The following OFD1 variants were observed in gnomAD, a reference collection of about 807,000 sequenced individuals.
OFD1 encodes the protein centriole and centriolar satellite protein OFD1.
A neutral mutation model predicts 81.4 loss-of-function variants in OFD1; 12 were observed. That is an observed-to-expected ratio of 0.15 (90% CI 0.09 to 0.24). The LOEUF is 0.24. Ranked by LOEUF, OFD1 falls within the 10% of genes least tolerant of loss-of-function variation. The pLI, the probability that OFD1 is intolerant of heterozygous loss-of-function variation, is 1.00. For missense variants in OFD1, 685 were observed against 733.9 expected (o/e 0.93, Z 0.77); for synonymous variants, 256 against 263.7 (o/e 0.97, Z 0.28).
Position 13,734,768 on chromosome X carries a change from GC to G in OFD1, c.-302del. ...GCCGGACTGGCTGTGAGGCGGTCCTGCCTCGCTGCCTTCAGTCCCTAGTGTC... is the reference window on the plus strand; with the variant it reads ...GCCGGACTGGCTGTGAGGCGGTCCTGCTCGCTGCCTTCAGTCCCTAGTGTC... On this transcript the variant is annotated 5_prime_UTR_variant, in exon 1 of 23. Transcript: ENST00000340096. 1 of 1,057,022 alleles carries G rather than the reference GC, an allele frequency of 9.5e-7. No homozygotes were observed. The highest frequency in any genetic ancestry group is 3.5e-5 in the East Asian group (1 of 28,566). The allele number at this position is 1,057,022 out of a possible 1,213,427, so 87.1% of individuals were successfully genotyped here. A position where few individuals can be genotyped will look rare whatever the true frequency, so the allele number is the denominator to read the frequency against.
intron 2 of OFD1, 56 bp from the exon 3 acceptor site, chrX:13,736,422 G>A: frequency 8.7e-7 from 1 of 1,150,076 alleles, no homozygotes; most frequent in Non-Finnish European, 1.2e-6. Context: ...AAACAGTCCT[G>A]CTGAAATTTC....
At chrX:13,749,201 A>G (rs987678076) in intron 8 of OFD1, among the ~76,000 whole-genome samples, 6 of 111,023 alleles carry the variant, frequency 5.4e-5, no homozygotes, top group Admixed American at 9.5e-5. Flanking sequence ...TTCACATGGC[A>G]TGTTAGGACT....
intron 3 of OFD1, among the ~76,000 whole-genome samples, chrX:13,738,008 C>T (rs189053863): frequency 4.5e-5 from 5 of 110,974 alleles, no homozygotes; most frequent in Admixed American, 9.6e-5. Context: ...CACCACTACA[C>T]CTGGCTAACT....
chrX:13,758,857 C>CAG (rs199918308), intron 15 of OFD1, among the ~76,000 whole-genome samples: 1,622 of 111,645 alleles, frequency 0.015, 32 homozygotes, highest in African/African-American at 0.05. Context: ...CCTTCAGAAT[C>CAG]AGAACTGTTC....
chrX:13,736,633 T>G lies in OFD1; in HGVS notation c.267T>G (p.Tyr89Ter). ...ACTTACAAAGATGTGGCTATGAATATTCACTTTCTGTTTTCTTTCCAGAAA... is the reference window on the plus strand; with the variant it reads ...ACTTACAAAGATGTGGCTATGAATAGTCACTTTCTGTTTTCTTTCCAGAAA... ...ADHLQRCGYE[Y>*]SLSVFFPESG... The change falls in exon 3 of 23, where the codon TAT becomes TAG. Residue 89 changes from tyrosine (Y) to a stop codon, truncating the protein, a stop_gained. Transcript: ENST00000340096. LOFTEE classifies it high-confidence loss of function. 1 of 1,210,392 alleles carries G rather than the reference T, an allele frequency of 8.3e-7. No homozygotes were observed. Among genetic ancestry groups the G allele is most frequent in the Non-Finnish European group, 1.1e-6 (1 of 894,550 alleles).
Position 13,755,141 on chromosome X carries a change from C to CT in OFD1, c.1130-4dup, listed in dbSNP as rs759385204. Reference sequence around the variant, plus strand: ...CATTATGGTGTTTAATTGGTGGGCTCTTTTTTCAGAAAAAGCTGTTCATTT... The same window carrying CT: ...CATTATGGTGTTTAATTGGTGGGCTCTTTTTTTCAGAAAAAGCTGTTCATTT... On this transcript the variant is annotated splice_polypyrimidine_tract_variant and intron_variant, in intron 11 of 22. Coordinates refer to ENST00000340096, the MANE Select transcript of OFD1 (RefSeq NM_003611.3). The CT allele has an allele frequency of 1.4e-5, 16 of 1,184,372 alleles. No homozygotes were observed. Among genetic ancestry groups the CT allele is most frequent in the Admixed American group, 4.4e-5 (2 of 45,847 alleles).
chrX:13,763,654 C>T lies in OFD1; in HGVS notation c.2489-91C>T, dbSNP rs745348828. 112 of 709,067 alleles carry T rather than the reference C, an allele frequency of 1.6e-4. No individual in the cohort carries two copies. The African/African-American group carries it at 1.6e-3, about 10-fold the overall frequency. 58.4% of individuals were successfully genotyped at this position (709,067 alleles called of 1,213,427 possible). A position where few individuals can be genotyped will look rare whatever the true frequency, so the allele number is the denominator to read the frequency against. On this transcript the variant is annotated intron_variant, in intron 18 of 22. Coordinates refer to ENST00000340096, the MANE Select transcript of OFD1 (RefSeq NM_003611.3). ...ACCCAGTTACTTTGGCTTCAGTTCC[C>T]GTGCTCCAGTCAGTTGCCCCCACAC...
intron 6 of OFD1, 27 bp from the exon 7 acceptor site, chrX:13,746,292 C>A (rs377491175): frequency 5.8e-6 from 7 of 1,198,962 alleles, no homozygotes; most frequent in Non-Finnish European, 6.8e-6. Context: ...TTTCTATGTC[C>A]TAATTTGATG....
downstream of OFD1, chrX:13,772,913 G>A (rs753890304): frequency 5.0e-6 from 6 of 1,210,305 alleles, no homozygotes; most frequent in East Asian, 8.9e-5. Flanking sequence ...TCTTTTGACC[G>A]AGACTGGATA....
chrX:13,752,176 A>G (rs187806915), intron 10 of OFD1, among the ~76,000 whole-genome samples: 2 of 112,368 alleles, frequency 1.8e-5, no homozygotes, highest in Non-Finnish European at 3.8e-5. Context: ...GCAAAAAGTG[A>G]TATAGGGAAA....
In OFD1 at chrX:13,763,879, A is replaced by G. The variant is rs199815820; in HGVS notation, c.2599+24A>G. ...AAGTAAGTTCTTTTTTTGAACTAAC[A>G]GTCAGCAGGGTCGCATACTAAATAC... On this transcript the variant is annotated intron_variant, in intron 19 of 22. Coordinates refer to ENST00000340096, the MANE Select transcript of OFD1 (RefSeq NM_003611.3). 6.5e-5 allele frequency: 70 copies of G among 1,083,236 alleles called. No homozygotes were observed. In the African/African-American group the frequency reaches 1.1e-3, roughly 17 times the overall value. The allele number at this position is 1,083,236 out of a possible 1,213,427, so 89.3% of individuals were successfully genotyped here. A position where few individuals can be genotyped will look rare whatever the true frequency, so the allele number is the denominator to read the frequency against.
the OFD1 span, chrX:13,721,735 A>T: frequency 1.0e-5 from 1 of 97,720 alleles, no homozygotes; most frequent in Non-Finnish European, 2.0e-5. Flanking sequence ...GCAGATCAGA[A>T]CTCCTGGCAT....
intron 5 of OFD1, among the ~76,000 whole-genome samples, chrX:13,742,744 C>G (rs992587676): frequency 2.7e-5 from 3 of 111,304 alleles, no homozygotes; most frequent in Non-Finnish European, 5.7e-5. Context: ...AGGCTGGTCT[C>G]GATCCCCTGA....
downstream of OFD1, chrX:13,773,326 T>TA (rs1306429398): frequency 2.2e-5 from 4 of 180,362 alleles, no homozygotes; most frequent in South Asian, 5.3e-4. Flanking sequence ...TTTTTTTTTT[T>TA]AATACCATTT....
the OFD1 span, among the ~76,000 whole-genome samples, chrX:13,722,922 G>A: frequency 2.7e-5 from 3 of 110,155 alleles, no homozygotes; most frequent in African/African-American, 9.9e-5. Flanking sequence ...AATTAGCCGA[G>A]TGTGGTGGTG....
the OFD1 span, among the ~76,000 whole-genome samples, chrX:13,728,152 T>G: frequency 1.8e-5 from 2 of 111,671 alleles, no homozygotes; most frequent in African/African-American, 3.3e-5. Context: ...TGGATTCACA[T>G]CCGAATTCTA....
the OFD1 span, among the ~76,000 whole-genome samples, chrX:13,724,531 C>T: frequency 9.0e-6 from 1 of 111,326 alleles, no homozygotes; most frequent in Non-Finnish European, 1.9e-5. Flanking sequence ...CTTCCATTTT[C>T]TCTGTTAAAT....
intron 2 of OFD1, 117 bp from the exon 3 acceptor site, chrX:13,736,361 A>G: frequency 7.3e-6 from 8 of 1,101,378 alleles, no homozygotes; most frequent in Middle Eastern, 3.4e-4. Context: ...CATTATGGAA[A>G]TAGAAGGAAG....
chrX:13,769,230 GTTT>G lies in OFD1; in HGVS notation c.*129_*131del. 1 of 579,147 alleles carries G rather than the reference GTTT, an allele frequency of 1.7e-6. No homozygotes were observed. Among genetic ancestry groups the G allele is most frequent in the Non-Finnish European group, 2.9e-6 (1 of 344,120 alleles). The allele number at this position is 579,147 out of a possible 1,213,427, so 47.7% of individuals were successfully genotyped here. A position where few individuals can be genotyped will look rare whatever the true frequency, so the allele number is the denominator to read the frequency against. Reference sequence around the variant, plus strand: ...TAAAAATGTGTGTAATCCAATGTGGGTTTTTTTTTCCATAATTAATTTTGATAC... The same window carrying G: ...TAAAAATGTGTGTAATCCAATGTGGGTTTTTTCCATAATTAATTTTGATAC... On this transcript the variant is annotated 3_prime_UTR_variant, in exon 23 of 23. Coordinates refer to ENST00000340096, the MANE Select transcript of OFD1 (RefSeq NM_003611.3).
Sources: allele counts gnomAD v4.1 joint callset (sites outside exome capture counted in the v4.1 genomes callset), GRCh38; gene constraint gnomAD v4.1.1; transcripts MANE v1.5; gene names NCBI Gene and HGNC (gene_info 2026-07-23, HGNC 2026-07-21).